ATXN1: variants seen among roughly 807,000 people sequenced by gnomAD.
ATXN1 encodes the protein ataxin-1.
In ATXN1, 8 loss-of-function variants were observed where a neutral mutation model predicts 56.4. The observed-to-expected ratio is 0.14, with a 90% CI of 0.08 to 0.26. The LOEUF is 0.26. ATXN1 is among the 10% of genes least tolerant of loss of function. The pLI is 1.00. For missense variants in ATXN1, 987 were observed against 1,106.5 expected, an observed-to-expected ratio of 0.89 and a Z score of 1.53; for synonymous variants, 514 against 494.6, an observed-to-expected ratio of 1.04 and a Z score of -0.52.
intron 6 of ATXN1, among the ~76,000 whole-genome samples, chr6:16,435,576 A>G (rs560168634): frequency 6.6e-6 from 1 of 152,140 alleles, no homozygotes; most frequent in South Asian, 2.1e-4. Flanking sequence ...GGAGAAAGTG[A>G]GATGAGAACT....
rs1199228952 is a variant in ATXN1 at position 16,306,379 on chromosome 6, G to A, written c.2398C>T (p.Pro800Ser). The A allele has an allele frequency of 2.5e-6, 4 of 1,613,674 alleles. No homozygotes were observed. Among genetic ancestry groups the A allele is most frequent in the Non-Finnish European group, 3.4e-6 (4 of 1,179,948 alleles). Residue 800 changes from proline (P) to serine (S), a missense_variant, in exon 8 of 8, where the codon CCT becomes TCT. Transcript: ENST00000436367. The surrounding 1 kb of genome is among the most constrained non-coding windows in gnomAD (Gnocchi z 5.2). ...TCAATGCAAATCTTAACCTCCTGAG[G>A]AATTAGAGAAGGCTTAGGAAGAGTC... is the stretch of plus-strand genomic sequence containing the variant. ...PLTLPKPSLIPQEVKICIEGR... is the reference protein window; with the variant it reads ...PLTLPKPSLISQEVKICIEGR...
At chr6:16,449,407 C>G (rs1759707521) in intron 6 of ATXN1, among the ~76,000 whole-genome samples, 1 of 152,174 alleles carries the variant, frequency 6.6e-6, no homozygotes, top group Admixed American at 6.5e-5. Flanking sequence ...ATCTAAAGTT[C>G]AAGATTGGAC....
chr6:16,578,184 T>C (rs899404316), intron 4 of ATXN1, among the ~76,000 whole-genome samples: 1 of 152,250 alleles, frequency 6.6e-6, no homozygotes, highest in African/African-American at 2.4e-5. Context: ...GGTAACGTTC[T>C]ATTTTCTGGT....
At chr6:16,494,907 G>A (rs758156931) in intron 5 of ATXN1, among the ~76,000 whole-genome samples, 7 of 152,174 alleles carry the variant, frequency 4.6e-5, no homozygotes, top group Non-Finnish European at 7.4e-5. Context: ...AAGACAGGGA[G>A]GTCTGGGTCT....
At chr6:16,330,741 A>T (rs933009174) in intron 6 of ATXN1, among the ~76,000 whole-genome samples, 2 of 152,156 alleles carry the variant, frequency 1.3e-5, no homozygotes, top group African/African-American at 4.8e-5. Flanking sequence ...ATCAATGAAC[A>T]TCATAATGAA....
chr6:16,335,315 A>C (rs1415532099), intron 6 of ATXN1, among the ~76,000 whole-genome samples: 1 of 152,200 alleles, frequency 6.6e-6, no homozygotes, highest in Non-Finnish European at 1.5e-5. Flanking sequence ...CTGTCTAGAG[A>C]CATCCAGGCC....
chr6:16,368,666 A>T (rs1461292853), intron 6 of ATXN1, among the ~76,000 whole-genome samples: 1 of 152,122 alleles, frequency 6.6e-6, no homozygotes, highest in Non-Finnish European at 1.5e-5. Flanking sequence ...ATCTAATCCC[A>T]AGTCACACAT....
intron 6 of ATXN1, among the ~76,000 whole-genome samples, chr6:16,480,034 C>A (rs182558432): frequency 1.1e-4 from 17 of 151,930 alleles, no homozygotes; most frequent in African/African-American, 4.1e-4. Context: ...CACCTGTAAT[C>A]CCAGCTACTT....
chr6:16,679,108 G>C, intron 2 of ATXN1, among the ~76,000 whole-genome samples: 1 of 151,864 alleles, frequency 6.6e-6, no homozygotes, highest in Non-Finnish European at 1.5e-5. Flanking sequence ...GGATAGGTGG[G>C]AGGGTGGATG....
intron 2 of ATXN1, among the ~76,000 whole-genome samples, chr6:16,660,420 C>T (rs1758292321): frequency 5.9e-5 from 9 of 152,178 alleles, no homozygotes; most frequent in Admixed American, 5.9e-4. Flanking sequence ...TGAAAATTTT[C>T]TGAACAGTTA....
intron 6 of ATXN1, among the ~76,000 whole-genome samples, chr6:16,379,427 G>A (rs767404093): frequency 6.6e-6 from 1 of 152,118 alleles, no homozygotes; most frequent in Non-Finnish European, 1.5e-5. Context: ...AAAATTTTAA[G>A]AAGTTATTAT....
intron 3 of ATXN1, chr6:16,652,132 C>T (rs1763905683): frequency 6.6e-6 from 1 of 152,214 alleles, no homozygotes; most frequent in African/African-American, 2.4e-5. Flanking sequence ...ATAGCATCAG[C>T]AAGAGGAACG....
intron 3 of ATXN1, among the ~76,000 whole-genome samples, chr6:16,619,895 A>G (rs199552079): frequency 1.5e-5 from 2 of 133,454 alleles, no homozygotes; most frequent in African/African-American, 5.8e-5. Context: ...AAAAAAAAAG[A>G]AAAAAAAAAA....
chr6:16,612,359 G>C (rs1300916620), intron 3 of ATXN1, among the ~76,000 whole-genome samples: 2 of 151,978 alleles, frequency 1.3e-5, no homozygotes, highest in Non-Finnish European at 2.9e-5. Context: ...TGACCACAAT[G>C]CAACAAAACT....
Position 16,410,645 on chromosome 6 carries a change from T to C in ATXN1, c.-161+75327A>G, listed in dbSNP as rs1203147770. On this transcript the variant is annotated intron_variant, in intron 6 of 7. Coordinates refer to ENST00000436367, the MANE Select transcript of ATXN1 (RefSeq NM_001128164.2). The surrounding 1 kb of genome is among the most constrained non-coding windows in gnomAD (Gnocchi z 4.6). ...TCATTTGTTTTACTAGAATCTTCTT[T>C]ATGTTCTAAAGTCTTAATCATGCAT... Among the ~76,000 whole-genome samples the C allele has an allele frequency of 6.6e-6, 1 of 152,270 alleles. No individual in the cohort carries two copies. Among genetic ancestry groups the C allele is most frequent in the Admixed American group, 6.5e-5 (1 of 15,288 alleles).
chr6:16,599,757 A>G (rs1762881422), intron 3 of ATXN1, among the ~76,000 whole-genome samples: 1 of 152,088 alleles, frequency 6.6e-6, no homozygotes, highest in South Asian at 2.1e-4. Context: ...CAAGAGGGTT[A>G]TTTAAAAAAT....
intron 3 of ATXN1, among the ~76,000 whole-genome samples, chr6:16,647,886 G>T (rs1342581649): frequency 6.6e-6 from 1 of 152,170 alleles, no homozygotes; most frequent in African/African-American, 2.4e-5. Context: ...GGCCATCCTG[G>T]CCAATACGGT....
chr6:16,320,752 C>T (rs1760629464), intron 7 of ATXN1, among the ~76,000 whole-genome samples: 1 of 152,234 alleles, frequency 6.6e-6, no homozygotes, highest in South Asian at 2.1e-4. Flanking sequence ...CAATGCACCC[C>T]TCAAATCCAG....
chr6:16,394,668 G>C (rs1758417680), intron 6 of ATXN1, among the ~76,000 whole-genome samples: 1 of 152,140 alleles, frequency 6.6e-6, no homozygotes, highest in East Asian at 1.9e-4. Context: ...TATCTTTTAA[G>C]TAACTAAAAA....
Sources: gnomAD v4.1 joint callset for allele counts (sites outside exome capture counted in the v4.1 genomes callset) on GRCh38, gnomAD v4.1.1 for gene constraint, Gnocchi (gnomAD v3.1) non-coding constraint, MANE v1.5 for transcripts, NCBI Gene and HGNC (gene_info 2026-07-23, HGNC 2026-07-21) for gene names.